The following MDFIC2 variants were observed in gnomAD, a reference collection of about 807,000 sequenced individuals.
The protein encoded by MDFIC2 is myoD family inhibitor domain-containing protein 2.
intron 2 of MDFIC2, among the ~76,000 whole-genome samples, chr3:70,243,022 T>C (rs1245550383): frequency 1.3e-5 from 2 of 152,168 alleles, no homozygotes; most frequent in Non-Finnish European, 2.9e-5. Flanking sequence ...TTTTGTGACA[T>C]GGGTTTTTAG....
At chr3:70,236,111 C>A (rs1701606210) in intron 2 of MDFIC2, among the ~76,000 whole-genome samples, 1 of 152,148 alleles carries the variant, frequency 6.6e-6, no homozygotes, top group Non-Finnish European at 1.5e-5. Flanking sequence ...CCTTGCTAAC[C>A]TAACTTATTC....
At chr3:70,269,838 C>T (rs1701957190) in intron 2 of MDFIC2, among the ~76,000 whole-genome samples, 1 of 151,934 alleles carries the variant, frequency 6.6e-6, no homozygotes, top group Admixed American at 6.6e-5. Context: ...AAACAAAGGC[C>T]ATGATAACAC....
chr3:70,275,704 G>A (rs546996767), intron 2 of MDFIC2, among the ~76,000 whole-genome samples: 7 of 152,062 alleles, frequency 4.6e-5, no homozygotes, highest in East Asian at 3.9e-4. Flanking sequence ...ACCTCAAAGC[G>A]TCGTTGAAAG....
chr3:70,252,685 A>T (rs762061556), intron 2 of MDFIC2, among the ~76,000 whole-genome samples: 1 of 152,094 alleles, frequency 6.6e-6, no homozygotes. Context: ...GTATTGCCCT[A>T]TGTTTATTTA....
At chr3:70,202,580 A>G (rs1701250655) in intron 3 of MDFIC2, among the ~76,000 whole-genome samples, 1 of 152,152 alleles carries the variant, frequency 6.6e-6, no homozygotes, top group Admixed American at 6.5e-5. Flanking sequence ...TGAAGTGCCC[A>G]CCTGGCTTTC....
chr3:70,200,217 G>T (rs993940259), intron 3 of MDFIC2, among the ~76,000 whole-genome samples: 1 of 152,132 alleles, frequency 6.6e-6, no homozygotes, highest in African/African-American at 2.4e-5. Context: ...TCCTGGCAAG[G>T]ACACTCTGCT....
intron 2 of MDFIC2, among the ~76,000 whole-genome samples, chr3:70,283,030 A>G (rs955995496): frequency 1.3e-5 from 2 of 152,204 alleles, no homozygotes; most frequent in African/African-American, 4.8e-5. Flanking sequence ...TTACATCTCA[A>G]TCACAAGACG....
intron 2 of MDFIC2, among the ~76,000 whole-genome samples, chr3:70,220,418 A>G (rs1701452174): frequency 6.6e-6 from 1 of 152,000 alleles, no homozygotes; most frequent in Non-Finnish European, 1.5e-5. Flanking sequence ...CACCTGGGAG[A>G]CAGAGCAAGA....
chr3:70,232,914 C>T (rs777355939), intron 2 of MDFIC2, among the ~76,000 whole-genome samples: 9 of 152,012 alleles, frequency 5.9e-5, no homozygotes, highest in South Asian at 2.1e-4. Context: ...CTATGCTAGG[C>T]GTGGGGGTTC....
At chr3:70,247,917 T>C (rs1438903784) in intron 2 of MDFIC2, among the ~76,000 whole-genome samples, 1 of 152,114 alleles carries the variant, frequency 6.6e-6, no homozygotes, top group African/African-American at 2.4e-5. Flanking sequence ...AGTAAAGAGA[T>C]GTGTATTCTT....
intron 2 of MDFIC2, among the ~76,000 whole-genome samples, chr3:70,251,061 T>C (rs1296127785): frequency 6.6e-6 from 1 of 152,220 alleles, no homozygotes; most frequent in Non-Finnish European, 1.5e-5. Context: ...TGTACACGGT[T>C]GAATCGTATT....
chr3:70,293,605 T>C (rs1011528152), intron 2 of MDFIC2, among the ~76,000 whole-genome samples: 1 of 152,166 alleles, frequency 6.6e-6, no homozygotes, highest in Non-Finnish European at 1.5e-5. Flanking sequence ...TGATATAAGA[T>C]GGTGTTAGCT....
chr3:70,235,197 A>G lies in MDFIC2; in HGVS notation c.89-28407T>C, dbSNP rs577083204. On this transcript the variant is annotated intron_variant, in intron 2 of 3. Coordinates refer to ENST00000567252, the MANE Select transcript of MDFIC2 (RefSeq NM_001364677.1). ...CATCCCTATCTCTTTTACCATCCACAAAAGATGTGTCTTCATCAACCGTCG... is the reference window on the plus strand; with the variant it reads ...CATCCCTATCTCTTTTACCATCCACGAAAGATGTGTCTTCATCAACCGTCG... Among the ~76,000 whole-genome samples, 106 of 152,236 alleles carry G rather than the reference A, an allele frequency of 7.0e-4. 1 individual carries two copies. The highest frequency in any genetic ancestry group is 3.4e-3 in the Middle Eastern group (1 of 294).
At chr3:70,222,618 A>T (rs1701471250) in intron 2 of MDFIC2, among the ~76,000 whole-genome samples, 1 of 152,142 alleles carries the variant, frequency 6.6e-6, no homozygotes, top group Non-Finnish European at 1.5e-5. Flanking sequence ...AAAGAATAAT[A>T]CTTAAGATGG....
At chr3:70,285,103 T>A (rs1360892159) in intron 2 of MDFIC2, among the ~76,000 whole-genome samples, 2 of 151,622 alleles carry the variant, frequency 1.3e-5, no homozygotes, top group African/African-American at 4.8e-5. Flanking sequence ...CATGTGCACA[T>A]TGTGCAGGTT....
At chr3:70,256,313 T>C (rs1178538327) in intron 2 of MDFIC2, among the ~76,000 whole-genome samples, 3 of 152,230 alleles carry the variant, frequency 2.0e-5, no homozygotes, top group Admixed American at 2.0e-4. Context: ...GTACTCGTTA[T>C]GTGAAAGACA....
chr3:70,245,208 T>A (rs1701695493), intron 2 of MDFIC2, among the ~76,000 whole-genome samples: 1 of 152,138 alleles, frequency 6.6e-6, no homozygotes, highest in South Asian at 2.1e-4. Context: ...AAGTCTGCAT[T>A]TTTAAAAGAG....
chr3:70,280,568 C>T (rs562212712), intron 2 of MDFIC2, among the ~76,000 whole-genome samples: 4 of 152,130 alleles, frequency 2.6e-5, no homozygotes, highest in South Asian at 2.1e-4. Context: ...ACTCAGAAAA[C>T]GATATCCTAA....
rs1454373959 is a variant in MDFIC2, at chr3:70,196,487, C to T, written c.*439G>A. On this transcript the variant is annotated 3_prime_UTR_variant, in exon 4 of 4. Transcript: ENST00000567252. ...ACATTATTAATAATAACCAACAATG[C>T]ATAATGTTTATGCATGAGTCCATTA... 6.6e-6 allele frequency among the ~76,000 whole-genome samples: 1 copy of T among 152,064 alleles called. No individual in the cohort carries two copies. Among genetic ancestry groups the T allele is most frequent in the East Asian group, 1.9e-4 (1 of 5,180 alleles).
Sources: allele counts gnomAD v4.1 joint callset (sites outside exome capture counted in the v4.1 genomes callset), GRCh38; gene constraint gnomAD v4.1.1; transcripts MANE v1.5; gene names NCBI Gene and HGNC (gene_info 2026-07-23, HGNC 2026-07-21).